HS3ST4: variants seen among roughly 807,000 people sequenced by gnomAD.
HS3ST4 encodes heparan sulfate glucosamine 3-O-sulfotransferase 4.
In HS3ST4, 17 loss-of-function variants were observed where a neutral mutation model predicts 29.2. The observed-to-expected ratio is 0.58, with a 90% CI of 0.40 to 0.87. The LOEUF (loss-of-function observed/expected upper bound fraction) is 0.87, where lower values mean the gene tolerates loss of function less well. HS3ST4 is among the 40% of genes least tolerant of loss of function. HS3ST4 has a pLI of 0.00. For missense variants in HS3ST4, 627 were observed against 634.5 expected, an observed-to-expected ratio of 0.99 and a Z score of 0.13; for synonymous variants, 314 against 285.7, an observed-to-expected ratio of 1.10 and a Z score of -1.00.
At chr16:25,974,982 C>T (rs921294991) in intron 1 of HS3ST4, among the ~76,000 whole-genome samples, 1 of 152,176 alleles carries the variant, frequency 6.6e-6, no homozygotes, top group African/African-American at 2.4e-5. Context: ...ATAGCTAATC[C>T]AGTCATCCAG....
At chr16:25,879,956 C>T (rs1408338884) in intron 1 of HS3ST4, among the ~76,000 whole-genome samples, 1 of 152,096 alleles carries the variant, frequency 6.6e-6, no homozygotes, top group Admixed American at 6.5e-5. Flanking sequence ...TTATTCACTA[C>T]CACGAGAACA....
chr16:26,052,850 C>G (rs759715502), intron 1 of HS3ST4, among the ~76,000 whole-genome samples: 1 of 152,342 alleles, frequency 6.6e-6, no homozygotes, highest in East Asian at 1.9e-4. Context: ...CTGCTTTGCT[C>G]TCATGTGGGG....
At chr16:25,893,348 C>T (rs1000651222) in intron 1 of HS3ST4, among the ~76,000 whole-genome samples, 1 of 152,200 alleles carries the variant, frequency 6.6e-6, no homozygotes, top group Non-Finnish European at 1.5e-5. Context: ...ATGATGTGAT[C>T]GTATTTGCCT....
intron 1 of HS3ST4, among the ~76,000 whole-genome samples, chr16:25,804,354 A>T (rs138935144): frequency 2.6e-4 from 40 of 152,252 alleles, no homozygotes; most frequent in African/African-American, 9.6e-4. Context: ...GAGGTGATGA[A>T]ATTTCCCGTA....
intron 1 of HS3ST4, among the ~76,000 whole-genome samples, chr16:26,008,953 T>G (rs557416463): frequency 6.6e-6 from 1 of 152,214 alleles, no homozygotes; most frequent in Non-Finnish European, 1.5e-5. Flanking sequence ...ACGCCTAGCA[T>G]GCTGGTGCTT....
At position 26,005,206 on chromosome 16, in the gene HS3ST4, G is replaced by A. The variant is rs148606316; in HGVS notation, c.735-130406G>A. ...ATCCACAGTAGGAGGAGATACTCAG[G>A]CCAGTTTGGGAAATCAATGGAAAAG... is the stretch of plus-strand genomic sequence containing the variant. On this transcript the variant is annotated intron_variant, in intron 1 of 1. Transcript: ENST00000331351. Among the ~76,000 whole-genome samples, 1,044 of 152,256 alleles carry A rather than the reference G, an allele frequency of 6.9e-3. 11 individuals are homozygous for A. Among genetic ancestry groups the A allele is most frequent in the Non-Finnish European group, 0.011 (740 of 67,996 alleles).
intron 1 of HS3ST4, among the ~76,000 whole-genome samples, chr16:25,928,625 C>T (rs1172404594): frequency 6.6e-6 from 1 of 152,172 alleles, no homozygotes; most frequent in Non-Finnish European, 1.5e-5. Context: ...CTCAGATGTG[C>T]CCCACTTTCT....
intron 1 of HS3ST4, among the ~76,000 whole-genome samples, chr16:25,829,607 T>C (rs1967273225): frequency 2.0e-5 from 3 of 152,034 alleles, no homozygotes; most frequent in Admixed American, 6.5e-5. Context: ...GTGTGTGATG[T>C]TCCCTTCCCT....
chr16:25,746,934 G>A (rs1177697271), intron 1 of HS3ST4, among the ~76,000 whole-genome samples: 1 of 151,196 alleles, frequency 6.6e-6, no homozygotes, highest in Non-Finnish European at 1.5e-5. Flanking sequence ...CTGAAGCCTG[G>A]AACTCCAGGG....
intron 1 of HS3ST4, among the ~76,000 whole-genome samples, chr16:25,701,903 G>C (rs1327951062): frequency 2.6e-5 from 4 of 152,288 alleles, no homozygotes; most frequent in African/African-American, 9.6e-5. Flanking sequence ...TGTTAATACA[G>C]GCAAATGAGA....
intron 1 of HS3ST4, among the ~76,000 whole-genome samples, chr16:25,814,751 A>G (rs1967076650): frequency 6.6e-6 from 1 of 152,188 alleles, no homozygotes; most frequent in Non-Finnish European, 1.5e-5. Flanking sequence ...ATTAACCACC[A>G]TGGTACCCCA....
At chr16:25,835,813 A>G (rs1408092062) in intron 1 of HS3ST4, among the ~76,000 whole-genome samples, 2 of 152,216 alleles carry the variant, frequency 1.3e-5, no homozygotes, top group Non-Finnish European at 2.9e-5. Flanking sequence ...AGGGTGAGCC[A>G]CACTGTTTTG....
intron 1 of HS3ST4, among the ~76,000 whole-genome samples, chr16:25,820,865 CT>C (rs1352279204): frequency 6.6e-6 from 1 of 151,978 alleles, no homozygotes; most frequent in African/African-American, 2.4e-5. Flanking sequence ...GCCACTGCCC[CT>C]GGCCTACTAT....
chr16:25,810,926 T>C (rs1487598972), intron 1 of HS3ST4, among the ~76,000 whole-genome samples: 2 of 152,192 alleles, frequency 1.3e-5, no homozygotes, highest in Non-Finnish European at 2.9e-5. Flanking sequence ...AAAATGGACT[T>C]TTGAGTGAGA....
chr16:25,709,405 T>TTCCCTGGAGG (rs1235231056), intron 1 of HS3ST4, among the ~76,000 whole-genome samples: 1 of 152,156 alleles, frequency 6.6e-6, no homozygotes, highest in African/African-American at 2.4e-5. Flanking sequence ...AGGAGTTAGT[T>TTCCCTGGAGG]TCCCTGGAGG....
intron 1 of HS3ST4, among the ~76,000 whole-genome samples, chr16:25,823,002 G>A (rs575515525): frequency 3.3e-5 from 5 of 151,976 alleles, no homozygotes; most frequent in Admixed American, 6.6e-5. Flanking sequence ...CCTCCTAAAG[G>A]GCTGGGATTA....
chr16:25,972,579 C>T (rs569973506), intron 1 of HS3ST4, among the ~76,000 whole-genome samples: 3 of 152,318 alleles, frequency 2.0e-5, no homozygotes, highest in South Asian at 4.1e-4. Context: ...GGGCAGCTCC[C>T]AACATGTCAG....
At chr16:25,742,457 G>A (rs1966661282) in intron 1 of HS3ST4, among the ~76,000 whole-genome samples, 1 of 152,318 alleles carries the variant, frequency 6.6e-6, no homozygotes, top group Middle Eastern at 3.4e-3. Flanking sequence ...TATCAGCCAG[G>A]TCAGAAACAT....
At chr16:26,040,408 A>G (rs1277198416) in intron 1 of HS3ST4, among the ~76,000 whole-genome samples, 1 of 150,154 alleles carries the variant, frequency 6.7e-6, no homozygotes, top group African/African-American at 2.5e-5. Context: ...TGTTCAAGGG[A>G]TTCTCCTGCC....
Sources: gnomAD v4.1 joint callset for allele counts (sites outside exome capture counted in the v4.1 genomes callset) on GRCh38, gnomAD v4.1.1 for gene constraint, MANE v1.5 for transcripts, NCBI Gene and HGNC (gene_info 2026-07-23, HGNC 2026-07-21) for gene names.